Variants in SLC2A12 observed in about 807,000 individuals in gnomAD.
SLC2A12 encodes solute carrier family 2, facilitated glucose transporter member 12.
A neutral mutation model predicts 41.8 loss-of-function variants in SLC2A12; 23 were observed. That is an observed-to-expected ratio of 0.55 (90% confidence interval 0.40 to 0.78). SLC2A12 has a LOEUF of 0.78. Ranked by LOEUF, SLC2A12 falls within the 30% of genes least tolerant of loss-of-function variation. The pLI is 0.00. For missense variants in SLC2A12, 654 were observed against 745.6 expected (o/e 0.88, Z 1.43); for synonymous variants, 295 against 285.9 (o/e 1.03, Z -0.32).
At position 133,988,916 on chromosome 6, in the gene SLC2A12, A is replaced by C. The variant is rs1011871746; in HGVS notation, c.*2239T>G. On this transcript the variant is annotated 3_prime_UTR_variant, in exon 5 of 5. Transcript: ENST00000275230. Reference sequence around the variant, plus strand: ...CAATGTTCACCAAAAAAAGAAACATAGAATAGGGGGAAAACATGCTTATAT... The same window carrying C: ...CAATGTTCACCAAAAAAAGAAACATCGAATAGGGGGAAAACATGCTTATAT... The C allele has an allele frequency of 2.6e-5, 4 of 152,222 alleles. No homozygotes were observed. The highest frequency in any genetic ancestry group is 9.6e-5 in the African/African-American group (4 of 41,462). The allele number at this position is 152,222 out of a possible 1,614,324, so 9.4% of individuals were successfully genotyped here. A position where few individuals can be genotyped will look rare whatever the true frequency, so the allele number is the denominator to read the frequency against.
At chr6:134,010,441 C>T (rs1251985547) in intron 2 of SLC2A12, among the ~76,000 whole-genome samples, 3 of 152,138 alleles carry the variant, frequency 2.0e-5, no homozygotes, top group South Asian at 2.1e-4. Context: ...CTACAGTGAG[C>T]GCAGCCACTG....
At chr6:133,996,742 C>G (rs984281938) in intron 4 of SLC2A12, among the ~76,000 whole-genome samples, 11 of 152,200 alleles carry the variant, frequency 7.2e-5, no homozygotes, top group Non-Finnish European at 1.2e-4. Flanking sequence ...TCAAGTTCAC[C>G]TCAGCTTCTG....
intron 2 of SLC2A12, among the ~76,000 whole-genome samples, chr6:134,025,374 T>C (rs1329118753): frequency 6.6e-6 from 1 of 152,166 alleles, no homozygotes; most frequent in African/African-American, 2.4e-5. Flanking sequence ...TCCTTTCTTA[T>C]CAGGCTTGTT....
chr6:134,016,340 C>A (rs760030649), intron 2 of SLC2A12, among the ~76,000 whole-genome samples: 3 of 151,720 alleles, frequency 2.0e-5, no homozygotes, highest in Non-Finnish European at 4.4e-5. Flanking sequence ...GGAAGACATC[C>A]GGGTAGCTTA....
chr6:134,052,355 C>A, intron 1 of SLC2A12, 23 bp downstream of exon 1: 4 of 1,600,804 alleles, frequency 2.5e-6, no homozygotes, highest in South Asian at 2.2e-5. Context: ...TGCGGTCACC[C>A]GAGCACTGCA....
intron 2 of SLC2A12, among the ~76,000 whole-genome samples, chr6:134,007,313 GC>G (rs1036401837): frequency 1.3e-5 from 2 of 152,230 alleles, no homozygotes; most frequent in African/African-American, 4.8e-5. Flanking sequence ...CAGTGCCAGA[GC>G]CCAGGTGTAC....
At chr6:134,025,261 A>G (rs531974912) in intron 2 of SLC2A12, among the ~76,000 whole-genome samples, 35 of 152,322 alleles carry the variant, frequency 2.3e-4, no homozygotes, top group African/African-American at 7.7e-4. Flanking sequence ...TAGACTTGAG[A>G]TTAATGTTGA....
At chr6:134,002,217 C>T (rs1182124799) in intron 3 of SLC2A12, 88 bp from the exon 4 acceptor site, 2 of 1,339,256 alleles carry the variant, frequency 1.5e-6, no homozygotes, top group Non-Finnish European at 2.0e-6. Context: ...ATACATAGCA[C>T]CATATGTATT....
chr6:134,028,434 G>A lies in SLC2A12; in HGVS notation c.1391C>T (p.Ser464Phe). The stretch of plus-strand genomic sequence containing the variant: ...AACATAAACAAGCAAGCTGGCTAAG[G>A]ACAGCCATTTCAAAAAAGCTGGGAC... ...GDVPAFLKWL[S>F]LASLLVYVAA... Residue 464 changes from serine (S) to phenylalanine (F), a missense_variant, in exon 2 of 5, where the codon TCC becomes TTC. Physicochemically the swap from Ser to Phe is radical, Grantham distance 155. Coordinates refer to ENST00000275230, the MANE Select transcript of SLC2A12 (RefSeq NM_145176.3). 2 of 1,614,138 alleles carry A rather than the reference G, an allele frequency of 1.2e-6. No homozygotes were observed. The highest frequency in any genetic ancestry group is 1.7e-6 in the Non-Finnish European group (2 of 1,180,012).
At chr6:134,032,450 A>ATATATT (rs1777228447) in intron 1 of SLC2A12, among the ~76,000 whole-genome samples, 1 of 44,384 alleles carries the variant, frequency 2.3e-5, no homozygotes, top group African/African-American at 1.1e-4. Context: ...ATATATATAA[A>ATATATT]TATATATATA....
rs1231085310 is a variant in SLC2A12 at position 133,991,167 on chromosome 6, A to G, written c.1842T>C (p.Ser614=). 6.2e-7 allele frequency: 1 copy of G among 1,612,792 alleles called. No homozygotes were observed. The highest frequency in any genetic ancestry group is 8.5e-7 in the Non-Finnish European group (1 of 1,179,662). ...GGTGTTGAGGCCATTAGGTCTCTGG[A>G]GAAAGCTGCCTGGATTGGCCCCTAC... ...LCGRGQSRQL[S]PET Residue 614 remains serine, a synonymous_variant, in exon 5 of 5, where the codon TCT becomes TCC. Coordinates refer to ENST00000275230, the MANE Select transcript of SLC2A12 (RefSeq NM_145176.3).
At chr6:134,017,834 G>T (rs1406909406) in intron 2 of SLC2A12, among the ~76,000 whole-genome samples, 1 of 151,472 alleles carries the variant, frequency 6.6e-6, no homozygotes, top group Non-Finnish European at 1.5e-5. Flanking sequence ...ATCCAGCCTG[G>T]GCGACAGAGC....
At chr6:133,999,251 T>TA (rs1382346487) in intron 4 of SLC2A12, among the ~76,000 whole-genome samples, 3 of 152,134 alleles carry the variant, frequency 2.0e-5, no homozygotes, top group Admixed American at 2.0e-4. Context: ...CAAAGTTAGC[T>TA]AAAATGTAGG....
intron 3 of SLC2A12, among the ~76,000 whole-genome samples, chr6:134,005,659 TAAAAAAAAAAAAAAAAAAA>T (rs56710009): frequency 6.2e-5 from 4 of 64,966 alleles, no homozygotes; most frequent in Admixed American, 2.1e-4. Context: ...GACTCTGTCT[TAAAAAAAAAAAAAAAAAAA>T]AAAAAAAAAA....
In SLC2A12 at chr6:133,987,648, G is replaced by GTGTATATATATATATATA. The variant is rs200249148; in HGVS notation, c.*3506_*3507insTATATATATATATATACA. 5.0e-4 allele frequency: 44 copies of GTGTATATATATATATATA among 88,396 alleles called. No homozygotes were observed. Among genetic ancestry groups the GTGTATATATATATATATA allele is most frequent in the African/African-American group, 1.5e-3 (41 of 27,578 alleles). The allele number at this position is 88,396 out of a possible 1,614,324, so 5.5% of individuals were successfully genotyped here. On this transcript the variant is annotated 3_prime_UTR_variant, in exon 5 of 5. Coordinates refer to ENST00000275230, the MANE Select transcript of SLC2A12 (RefSeq NM_145176.3). ...TTTGTGTGTGTGTGTGTGTGTGTGTGTATATATATATATATATATGCACCA... is the reference window on the plus strand; with the variant it reads ...TTTGTGTGTGTGTGTGTGTGTGTGTGTGTATATATATATATATATATATATATATATATATATGCACCA...
chr6:134,045,980 G>A lies in SLC2A12; in HGVS notation c.103+6398C>T, dbSNP rs79171179. Among the ~76,000 whole-genome samples the A allele has an allele frequency of 6.9e-3, 1,054 of 152,296 alleles. 5 individuals carry two copies. Among genetic ancestry groups the A allele is most frequent in the Non-Finnish European group, 0.011 (736 of 68,022 alleles). On this transcript the variant is annotated intron_variant, in intron 1 of 4. Transcript: ENST00000275230. The stretch of plus-strand genomic sequence containing the variant: ...ATTCCTCCTGTGATTTTGTCTGAAG[G>A]TTTCTGCAGCTTAGTTTCCCAATAT...
chr6:134,032,968 A>T (rs60161644), intron 1 of SLC2A12, among the ~76,000 whole-genome samples: 4,127 of 151,188 alleles, frequency 0.027, 200 homozygotes, highest in African/African-American at 0.095. Context: ...AACAAAACAA[A>T]AAAGCAACAG....
At position 134,029,382 on chromosome 6, in the gene SLC2A12, G is replaced by C; in HGVS notation, c.443C>G (p.Ser148Cys). Reference sequence around the variant, plus strand: ...TGCGATGTAAACACAAGTGGCAATGGAAGAGAGGGAGATGGAGACCCCTAT... The same window carrying C: ...TGCGATGTAAACACAAGTGGCAATGCAAGAGAGGGAGATGGAGACCCCTAT... ...IAIGVSISLSSIATCVYIAEI... is the reference protein window; with the variant it reads ...IAIGVSISLSCIATCVYIAEI... The change falls in exon 2 of 5, where the codon TCC becomes TGC. Residue 148 changes from serine (S) to cysteine (C), a missense_variant. By Grantham distance (112) the Ser-to-Cys change is moderately radical. Around this residue, in one of 3 missense-constraint regions of SLC2A12, gnomAD observed 411 missense variants for 412.1 expected, o/e 1.00. Coordinates refer to ENST00000275230, the MANE Select transcript of SLC2A12 (RefSeq NM_145176.3). The C allele has an allele frequency of 6.2e-7, 1 of 1,614,184 alleles. No individual in the cohort carries two copies.
At chr6:134,005,841 A>G (rs1776806546) in intron 3 of SLC2A12, among the ~76,000 whole-genome samples, 1 of 152,004 alleles carries the variant, frequency 6.6e-6, no homozygotes. Flanking sequence ...TCAAGCCTCT[A>G]TCTAAATCTA....
Sources: allele counts gnomAD v4.1 joint callset (sites outside exome capture counted in the v4.1 genomes callset), GRCh38; gene constraint gnomAD v4.1.1; regional missense constraint gnomAD v4.1.1; transcripts MANE v1.5; gene names NCBI Gene and HGNC (gene_info 2026-07-23, HGNC 2026-07-21).